DNAH17: variants seen among roughly 807,000 people sequenced by gnomAD.
The protein encoded by DNAH17 is dynein axonemal heavy chain 17.
Under a neutral mutation model 485.6 loss-of-function variants are expected in DNAH17, and 376 were observed. The ratio of observed to expected loss-of-function variants is 0.77; its 90% confidence interval spans 0.71 to 0.84. The LOEUF is 0.84. Ranked by LOEUF, DNAH17 falls within the 40% of genes least tolerant of loss-of-function variation. The probability of loss-of-function intolerance (pLI) is 0.00; values close to 1 mark genes in which losing one functional copy is unlikely to be tolerated. For missense variants in DNAH17, 6,370 were observed against 5,839.3 expected (o/e 1.09, Z -2.96); for synonymous variants, 3,031 against 2,405.9 (o/e 1.26, Z -7.60).
In DNAH17 at chr17:78,525,675, C is replaced by T. The variant is rs114167659; in HGVS notation, c.3712-514G>A. On this transcript the variant is annotated intron_variant, in intron 24 of 80. Coordinates refer to ENST00000389840, the MANE Select transcript of DNAH17 (RefSeq NM_173628.4). The stretch of plus-strand genomic sequence containing the variant: ...GGCAAAGGTGGGCTCGGAGCGTGTG[C>T]ACACACATGGACACGCAGGGACTGC... Among the ~76,000 whole-genome samples the T allele has an allele frequency of 5.7e-3, 866 of 152,288 alleles. 10 individuals carry two copies. Among genetic ancestry groups the T allele is most frequent in the African/African-American group, 0.02 (826 of 41,564 alleles).
At position 78,424,311 on chromosome 17, in the gene DNAH17, C is replaced by T. The variant is rs757059576; in HGVS notation, c.13142-158G>A. 297 of 885,350 alleles carry T rather than the reference C, an allele frequency of 3.4e-4. 1 individual carries two copies. The Middle Eastern group carries it at 6.4e-3, about 19-fold the overall frequency. The allele number at this position is 885,350 out of a possible 1,614,324, so 54.8% of individuals were successfully genotyped here. ...TGCCACGGCTGGAAGCAGAGGCCTTCGTAGGTGATGGCCTGCATGTTGTAA... is the reference window on the plus strand; with the variant it reads ...TGCCACGGCTGGAAGCAGAGGCCTTTGTAGGTGATGGCCTGCATGTTGTAA... On this transcript the variant is annotated intron_variant, in intron 80 of 80. Transcript: ENST00000389840.
chr17:78,557,145 G>T (rs2092041744), intron 14 of DNAH17, among the ~76,000 whole-genome samples: 1 of 152,180 alleles, frequency 6.6e-6, no homozygotes. Flanking sequence ...GAACCAAAGA[G>T]CTGAGCAGGG....
intron 13 of DNAH17, among the ~76,000 whole-genome samples, chr17:78,558,766 T>C (rs1270716652): frequency 6.6e-6 from 1 of 152,172 alleles, no homozygotes; most frequent in African/African-American, 2.4e-5. Context: ...TAACCTTCTG[T>C]TTTCTCTCTG....
rs145308272 is a variant in DNAH17, at chr17:78,476,724, A to G, written c.8002T>C (p.Phe2668Leu). 10 of 1,612,124 alleles carry G rather than the reference A, an allele frequency of 6.2e-6. No individual in the cohort carries two copies. In the African/African-American group the frequency reaches 9.3e-5, roughly 15 times the overall value. The change falls in exon 52 of 81, where the codon TTT (phenylalanine) becomes CTT (leucine). Residue 2668 changes from phenylalanine (F) to leucine (L), a missense_variant. Coordinates refer to ENST00000389840, the MANE Select transcript of DNAH17 (RefSeq NM_173628.4). ...DLSNIFQGLL[F>L]STAEVLKTPL... ...GTTTTCAGAACTTCTGCTGTGGAAA[A>G]TAAGAGTCCCTGCCCCAAACACAGG... is the stretch of plus-strand genomic sequence containing the variant.
At chr17:78,539,117 G>C (rs2091455284) in intron 18 of DNAH17, among the ~76,000 whole-genome samples, 2 of 152,250 alleles carry the variant, frequency 1.3e-5, no homozygotes, top group South Asian at 2.1e-4. Flanking sequence ...TATAATCCCA[G>C]CTACTTGGGA....
intron 44 of DNAH17, among the ~76,000 whole-genome samples, chr17:78,489,199 A>C (rs565900190): frequency 2.6e-5 from 4 of 152,304 alleles, no homozygotes; most frequent in Non-Finnish European, 4.4e-5. Flanking sequence ...GCCTCCCAGC[A>C]GAGGGTCTCA....
At position 78,507,568 on chromosome 17, in the gene DNAH17, C is replaced by A; in HGVS notation, c.4474G>T (p.Val1492Phe). 6.2e-7 allele frequency: 1 copy of A among 1,614,140 alleles called. No homozygotes were observed. The highest frequency in any genetic ancestry group is 1.3e-5 in the African/African-American group (1 of 75,066). The change falls in exon 28 of 81, where the codon GTC becomes TTC. Residue 1492 changes from valine to phenylalanine, a missense_variant. Transcript: ENST00000389840. ...TCCAGGTGGCTCCAGGTTCGCTGGA[C>A]CTCAAACCAGATGGAGATGACGGAG... ...ADSVISIWFE[V>F]QRTWSHLESI...
intron 13 of DNAH17, among the ~76,000 whole-genome samples, 184 bp from the exon 14 acceptor site, chr17:78,558,438 C>T (rs542511881): frequency 2.6e-5 from 4 of 152,282 alleles, no homozygotes; most frequent in Admixed American, 6.5e-5. Context: ...GATCCTGAGC[C>T]GGAAAGCACT....
Position 78,466,742 on chromosome 17 carries a change from G to A in DNAH17, c.8853C>T (p.Cys2951=), listed in dbSNP as rs1275707130. The A allele has an allele frequency of 2.5e-6, 4 of 1,612,918 alleles. No homozygotes were observed. Among genetic ancestry groups the A allele is most frequent in the Non-Finnish European group, 3.4e-6 (4 of 1,179,566 alleles). ...ACTCGTGGAACCAGTCGATGGCCGT[G>A]CAGTTGACCACAGCTGGGAACTTTC... The part of the protein sequence containing the change: ...RARKFPAVVN[C]TAIDWFHEWP... Residue 2951 remains cysteine, a synonymous_variant, in exon 56 of 81, where the codon TGC becomes TGT. Transcript: ENST00000389840.
chr17:78,453,281 G>A (rs1173947403), intron 65 of DNAH17, 62 bp downstream of exon 65: 10 of 1,586,040 alleles, frequency 6.3e-6, no homozygotes, highest in East Asian at 2.3e-5. Context: ...ACATGCACAC[G>A]CCCAGGCCTC....
intron 69 of DNAH17, among the ~76,000 whole-genome samples, chr17:78,447,989 T>C (rs149158741): frequency 2.8e-3 from 431 of 152,028 alleles, no homozygotes; most frequent in Middle Eastern, 6.8e-3. Context: ...CTGACCAACA[T>C]GGAGAAACCC....
At chr17:78,464,082 T>C (rs1275784232) in intron 56 of DNAH17, among the ~76,000 whole-genome samples, 1 of 152,206 alleles carries the variant, frequency 6.6e-6, no homozygotes, top group African/African-American at 2.4e-5. Context: ...TTCAGGTTTA[T>C]TCTGTCCTAC....
rs773548885 is a variant in DNAH17 at position 78,455,855 on chromosome 17, G to A, written c.9978-19C>T. ...GACCAGCCTAAAGTGGGATGAGAGA[G>A]AATAAAACATATTTGCACAAGTGAG... On this transcript the variant is annotated intron_variant, in intron 62 of 80. Coordinates refer to ENST00000389840, the MANE Select transcript of DNAH17 (RefSeq NM_173628.4). The A allele has an allele frequency of 1.3e-6, 2 of 1,562,854 alleles. No individual in the cohort carries two copies. Among genetic ancestry groups the A allele is most frequent in the African/African-American group, 1.4e-5 (1 of 72,982 alleles).
At chr17:78,540,359 G>A (rs1348180511) in intron 17 of DNAH17, among the ~76,000 whole-genome samples, 1 of 144,432 alleles carries the variant, frequency 6.9e-6, no homozygotes, top group Non-Finnish European at 1.5e-5. Flanking sequence ...GTGGGTGGAT[G>A]GACAGATGAA....
chr17:78,526,710 A>G lies in DNAH17; in HGVS notation c.3652T>C (p.Phe1218Leu). The G allele has an allele frequency of 6.2e-7, 1 of 1,610,480 alleles. No individual in the cohort carries two copies. The highest frequency in any genetic ancestry group is 8.5e-7 in the Non-Finnish European group (1 of 1,177,506). ...AAGGAGAACGGGGCCTCGCGCCTGA[A>G]CCTCTCCCTGAACTCATGTTGCTTG... ...ELKQHEFRER[F>L]RREAPFSFSD... The change falls in exon 24 of 81, where the codon TTC becomes CTC. Residue 1218 changes from phenylalanine to leucine, a missense_variant. Phe to Leu is a conservative substitution (Grantham distance 22). Coordinates refer to ENST00000389840, the MANE Select transcript of DNAH17 (RefSeq NM_173628.4).
chr17:78,498,271 G>GT (rs1245192733), intron 37 of DNAH17, among the ~76,000 whole-genome samples: 1 of 152,206 alleles, frequency 6.6e-6, no homozygotes, highest in African/African-American at 2.4e-5. Context: ...CATGCTCCTG[G>GT]TCTATCCTGT....
chr17:78,532,937 A>G, intron 19 of DNAH17: 1 of 565,714 alleles, frequency 1.8e-6, no homozygotes. Context: ...GGAGGTCACC[A>G]TACTGATGCC....
In DNAH17 at chr17:78,507,735, G is replaced by T; in HGVS notation, c.4307C>A (p.Thr1436Asn). 6.2e-7 allele frequency: 1 copy of T among 1,603,982 alleles called. No homozygotes were observed. Among genetic ancestry groups the T allele is most frequent in the Non-Finnish European group, 8.5e-7 (1 of 1,178,994 alleles). ...FQHEPHPRTGTMMLKSSEVLV... is the reference protein window; with the variant it reads ...FQHEPHPRTGNMMLKSSEVLV... ...CACCTCGCTGGACTTGAGCATCATG[G>T]TGCCTGTCCGCGGGTGCGGCTCGTG... Residue 1436 changes from threonine (T) to asparagine (N), a missense_variant, in exon 28 of 81, where the codon ACC becomes AAC. Transcript: ENST00000389840.
intron 25 of DNAH17, among the ~76,000 whole-genome samples, chr17:78,517,884 TATGTTA>T (rs1327024252): frequency 6.6e-6 from 1 of 152,182 alleles, no homozygotes; most frequent in East Asian, 1.9e-4. Flanking sequence ...ATAAGACAGT[TATGTTA>T]TAGTTAAGAG....
Sources: allele counts gnomAD v4.1 joint callset (sites outside exome capture counted in the v4.1 genomes callset), GRCh38; gene constraint gnomAD v4.1.1; transcripts MANE v1.5; gene names NCBI Gene and HGNC (gene_info 2026-07-23, HGNC 2026-07-21).